Variants in CHRM3 observed in about 807,000 individuals in gnomAD.
The protein encoded by CHRM3 is muscarinic acetylcholine receptor M3.
Under a neutral mutation model 41.8 loss-of-function variants are expected in CHRM3, and 11 were observed. That is an observed-to-expected ratio of 0.26 (90% CI 0.17 to 0.44). The LOEUF is 0.44. CHRM3 is among the 20% of genes least tolerant of loss of function. CHRM3 has a pLI of 1.00. For synonymous variants in CHRM3, 297 were observed against 301.4 expected (o/e 0.99, Z 0.15); for missense variants, 571 against 745.4 (o/e 0.77, Z 2.72).
intron 4 of CHRM3, among the ~76,000 whole-genome samples, chr1:239,675,167 C>T (rs910940539): frequency 6.6e-6 from 1 of 152,150 alleles, no homozygotes; most frequent in Non-Finnish European, 1.5e-5. Context: ...CTTCTGTTCA[C>T]CCTGTGAGTT....
intron 6 of CHRM3, among the ~76,000 whole-genome samples, chr1:239,867,048 CA>C (rs1676172414): frequency 6.6e-6 from 1 of 152,222 alleles, no homozygotes; most frequent in Admixed American, 6.5e-5. Flanking sequence ...ACCGGGTTGC[CA>C]GCTGCACTTC....
At chr1:239,893,353 A>G (rs2102957161) in intron 6 of CHRM3, among the ~76,000 whole-genome samples, 1 of 152,306 alleles carries the variant, frequency 6.6e-6, no homozygotes, top group Middle Eastern at 3.4e-3. Flanking sequence ...TTTCTGCTTT[A>G]TAAGCTTAGG....
At chr1:239,422,619 C>A (rs1336237490) in intron 1 of CHRM3, among the ~76,000 whole-genome samples, 4 of 151,934 alleles carry the variant, frequency 2.6e-5, no homozygotes, top group African/African-American at 9.7e-5. Flanking sequence ...CACAGTTAAA[C>A]CCCATCTCTA....
chr1:239,772,193 CG>C (rs1264634324), intron 5 of CHRM3, among the ~76,000 whole-genome samples: 1 of 152,052 alleles, frequency 6.6e-6, no homozygotes, highest in Non-Finnish European at 1.5e-5. Context: ...CTCTGTCACC[CG>C]GGCTGAAGTG....
intron 1 of CHRM3, among the ~76,000 whole-genome samples, chr1:239,462,578 A>C (rs1216638168): frequency 6.6e-6 from 1 of 152,212 alleles, no homozygotes; most frequent in Non-Finnish European, 1.5e-5. Flanking sequence ...TTTGACTAGA[A>C]GTTAACTTTT....
intron 4 of CHRM3, among the ~76,000 whole-genome samples, chr1:239,658,139 C>T (rs113316116): frequency 1.1e-4 from 16 of 152,330 alleles, no homozygotes; most frequent in African/African-American, 3.8e-4. Flanking sequence ...AAATATGAGA[C>T]TGGCTATTGA....
intron 5 of CHRM3, among the ~76,000 whole-genome samples, chr1:239,702,555 G>T (rs1422182197): frequency 1.3e-5 from 2 of 152,158 alleles, no homozygotes; most frequent in African/African-American, 4.8e-5. Flanking sequence ...TTTCTGTCTG[G>T]CATATTAACT....
chr1:239,475,454 G>A (rs1383944954), intron 1 of CHRM3, among the ~76,000 whole-genome samples: 2 of 152,048 alleles, frequency 1.3e-5, no homozygotes, highest in Non-Finnish European at 2.9e-5. Flanking sequence ...AGTAGTGAGA[G>A]AGGAGTCTAA....
intron 5 of CHRM3, among the ~76,000 whole-genome samples, chr1:239,680,708 ATGTGTG>A (rs71758239): frequency 6.7e-6 from 1 of 149,550 alleles, no homozygotes; most frequent in African/African-American, 2.4e-5. Flanking sequence ...TGGTGTGTGC[ATGTGTG>A]TGTGTGTGTG....
chr1:239,550,087 G>A (rs1004715970), intron 3 of CHRM3, among the ~76,000 whole-genome samples: 3 of 151,916 alleles, frequency 2.0e-5, no homozygotes, highest in Admixed American at 6.6e-5. Flanking sequence ...TCACATGTTG[G>A]CTGCCAATCT....
chr1:239,682,586 C>G (rs1484993756), intron 5 of CHRM3, among the ~76,000 whole-genome samples: 2 of 151,664 alleles, frequency 1.3e-5, no homozygotes, highest in East Asian at 3.9e-4. Flanking sequence ...TATTAACTCC[C>G]TTTAATCAGA....
rs183783468 is a variant in CHRM3, at chr1:239,791,889, T to A, written c.-146-35363T>A. Among the ~76,000 whole-genome samples, 297 of 152,242 alleles carry A rather than the reference T, an allele frequency of 2.0e-3. 2 individuals carry two copies. The highest frequency in any genetic ancestry group is 6.8e-3 in the African/African-American group (284 of 41,534). ...GCTACCAGAAACACAGTGGGTAGAT[T>A]GGCAGATACAAGACCTACAATAGTG... On this transcript the variant is annotated intron_variant, in intron 5 of 6. Transcript: ENST00000676153.
intron 2 of CHRM3, among the ~76,000 whole-genome samples, chr1:239,518,551 CT>C (rs1296042722): frequency 8.5e-5 from 13 of 152,184 alleles, no homozygotes; most frequent in Non-Finnish European, 1.5e-4. Flanking sequence ...GTTAAGACCC[CT>C]TCAATTTTTC....
At position 239,482,457 on chromosome 1, in the gene CHRM3, T is replaced by C. The variant is rs143149912; in HGVS notation, c.-520-10252T>C. Among the ~76,000 whole-genome samples the C allele has an allele frequency of 6.6e-3, 1,008 of 152,330 alleles. 15 individuals carry two copies. Among genetic ancestry groups the C allele is most frequent in the African/African-American group, 0.023 (939 of 41,568 alleles). ...GGAAAGCCAAATATTCTGGTTGAGCTATAGTTTCTTTCATCAGCAAAAACA... is the reference window on the plus strand; with the variant it reads ...GGAAAGCCAAATATTCTGGTTGAGCCATAGTTTCTTTCATCAGCAAAAACA... On this transcript the variant is annotated intron_variant, in intron 1 of 6. Coordinates refer to ENST00000676153, the MANE Select transcript of CHRM3 (RefSeq NM_001375978.1).
intron 5 of CHRM3, among the ~76,000 whole-genome samples, chr1:239,760,086 TTGTA>T (rs1171831903): frequency 8.0e-5 from 2 of 24,848 alleles, no homozygotes; most frequent in Admixed American, 1.6e-3. Context: ...GGCTAATTTT[TTGTA>T]TTTTTTTTTT....
intron 2 of CHRM3, among the ~76,000 whole-genome samples, chr1:239,531,639 ATTTTTTTTTTTTTTTTTTTT>A (rs58433814): frequency 0.064 from 3,590 of 55,966 alleles, 104 homozygotes; most frequent in Middle Eastern, 0.13. Context: ...TCTAGAATGG[ATTTTTTTTTTTTTTTTTTTT>A]TTTTTTTTTT....
chr1:239,883,679 T>C (rs1477105101), intron 6 of CHRM3, among the ~76,000 whole-genome samples: 1 of 152,188 alleles, frequency 6.6e-6, no homozygotes, highest in Non-Finnish European at 1.5e-5. Flanking sequence ...TTGAACCCAC[T>C]AAGTCTAGTT....
At chr1:239,389,716 A>T (rs1371820238) in intron 1 of CHRM3, among the ~76,000 whole-genome samples, 1 of 152,232 alleles carries the variant, frequency 6.6e-6, no homozygotes, top group Non-Finnish European at 1.5e-5. Context: ...ATAAAGTAAT[A>T]CATATTTTCA....
At chr1:239,397,694 T>C (rs1659610705) in intron 1 of CHRM3, among the ~76,000 whole-genome samples, 2 of 147,494 alleles carry the variant, frequency 1.4e-5, no homozygotes, top group Non-Finnish European at 3.0e-5. Context: ...TATTTATATA[T>C]ATATATATAT....
Sources: gnomAD v4.1 joint callset for allele counts (sites outside exome capture counted in the v4.1 genomes callset) on GRCh38, gnomAD v4.1.1 for gene constraint, MANE v1.5 for transcripts, NCBI Gene and HGNC (gene_info 2026-07-23, HGNC 2026-07-21) for gene names.